The following NRP1 variants were observed in gnomAD, a reference collection of about 807,000 sequenced individuals.
The protein encoded by NRP1 is neuropilin-1.
NRP1 carries 35 observed loss-of-function variants against 106.7 expected under a neutral mutation model. The ratio of observed to expected loss-of-function variants is 0.33; its 90% confidence interval spans 0.25 to 0.43. The LOEUF (loss-of-function observed/expected upper bound fraction) is 0.43. Ranked by LOEUF, NRP1 falls within the 20% of genes least tolerant of loss-of-function variation. The probability of loss-of-function intolerance (pLI) is 1.00; values close to 1 mark genes in which losing one functional copy is unlikely to be tolerated. For synonymous variants in NRP1, 437 were observed against 417.9 expected (o/e 1.05, Z -0.56); for missense variants, 1,024 against 1,170.4 (o/e 0.87, Z 1.83).
intron 2 of NRP1, among the ~76,000 whole-genome samples, chr10:33,300,262 C>T (rs1845709610): frequency 6.6e-6 from 1 of 152,142 alleles, no homozygotes; most frequent in Admixed American, 6.5e-5. Flanking sequence ...CTTCTAACAG[C>T]AATAAAATTT....
intron 6 of NRP1, among the ~76,000 whole-genome samples, chr10:33,227,816 T>C (rs1186621965): frequency 6.6e-6 from 1 of 152,174 alleles, no homozygotes; most frequent in East Asian, 1.9e-4. Flanking sequence ...CTCCATGTTC[T>C]AGTCCAGACT....
In NRP1 at chr10:33,330,741, T is replaced by A; in HGVS notation, c.215A>T (p.Asn72Ile). ...TCTGTCCTCCAAATCGAAGTGAGGG[T>A]TGAAGTTGATCATAATTCTCTGGTA... Reference protein sequence around the residue: ...DPYQRIMINFNPHFDLEDRDC... With the variant: ...DPYQRIMINFIPHFDLEDRDC... Residue 72 changes from asparagine to isoleucine, a missense_variant, in exon 2 of 17, where the codon AAC becomes ATC. Coordinates refer to ENST00000374867, the MANE Select transcript of NRP1 (RefSeq NM_003873.7). 1 of 1,613,432 alleles carries A rather than the reference T, an allele frequency of 6.2e-7. No homozygotes were observed. The highest frequency in any genetic ancestry group is 8.5e-7 in the Non-Finnish European group (1 of 1,179,684).
chr10:33,286,646 G>A (rs1047296778), intron 2 of NRP1, among the ~76,000 whole-genome samples: 3 of 152,164 alleles, frequency 2.0e-5, no homozygotes, highest in African/African-American at 7.2e-5. Context: ...CATCTATTTT[G>A]AGGGTTGGCT....
chr10:33,268,622 C>T (rs1843086630), intron 3 of NRP1, among the ~76,000 whole-genome samples: 1 of 152,220 alleles, frequency 6.6e-6, no homozygotes, highest in Non-Finnish European at 1.5e-5. Context: ...TCTCCTTCAA[C>T]TGTCTTCAGA....
chr10:33,190,778 A>G lies in NRP1; in HGVS notation c.2062+1503T>C, dbSNP rs181124042. On this transcript the variant is annotated intron_variant, in intron 13 of 16. Transcript: ENST00000374867. ...TTGGGCGTTTGTTGTGAGTGTGTATATGTGTGTGTGTGTATGTGTGTGTGT... is the reference window on the plus strand; with the variant it reads ...TTGGGCGTTTGTTGTGAGTGTGTATGTGTGTGTGTGTGTATGTGTGTGTGT... Among the ~76,000 whole-genome samples, 34 of 151,814 alleles carry G rather than the reference A, an allele frequency of 2.2e-4. No homozygotes were observed. The East Asian group carries it at 6.4e-3, about 28-fold the overall frequency.
At chr10:33,202,805 T>C (rs751902896) in intron 11 of NRP1, 86 bp downstream of exon 11, 21 of 1,612,258 alleles carry the variant, frequency 1.3e-5, no homozygotes, top group Non-Finnish European at 1.8e-5. Flanking sequence ...CATGCGGAGT[T>C]ACAAGCACAC....
chr10:33,209,809 G>A (rs901869922), intron 9 of NRP1, among the ~76,000 whole-genome samples: 2 of 152,180 alleles, frequency 1.3e-5, no homozygotes, highest in Non-Finnish European at 2.9e-5. Context: ...AAAACACCAC[G>A]GTCCAAGAAA....
chr10:33,267,019 GAGACTCTGTCTCAAAA>G (rs1842967829), intron 3 of NRP1, among the ~76,000 whole-genome samples: 1 of 152,096 alleles, frequency 6.6e-6, no homozygotes, highest in Non-Finnish European at 1.5e-5. Flanking sequence ...GCAACAGAGT[GAGACTCTGTCTCAAAA>G]CAAAACACAA....
At chr10:33,317,153 T>C (rs1847098195) in intron 2 of NRP1, among the ~76,000 whole-genome samples, 1 of 152,218 alleles carries the variant, frequency 6.6e-6, no homozygotes, top group Admixed American at 6.5e-5. Flanking sequence ...CCCAGCCACA[T>C]CTGTAGCCAT....
chr10:33,202,545 G>T lies in NRP1; in HGVS notation c.1864+346C>A, dbSNP rs554195827. On this transcript the variant is annotated intron_variant, in intron 11 of 16. Transcript: ENST00000374867. Reference sequence around the variant, plus strand: ...TAAACATTCTGAAGTGTGTGGTTACGTAGGGGTGGTGCACGTGTTATTGGG... The same window carrying T: ...TAAACATTCTGAAGTGTGTGGTTACTTAGGGGTGGTGCACGTGTTATTGGG... The T allele has an allele frequency of 5.8e-6, 8 of 1,373,774 alleles. No homozygotes were observed. In the East Asian group the frequency reaches 1.8e-4, roughly 32 times the overall value. The allele number at this position is 1,373,774 out of a possible 1,614,324, so 85.1% of individuals were successfully genotyped here.
chr10:33,220,064 C>T (rs1839104775), intron 8 of NRP1, among the ~76,000 whole-genome samples: 1 of 152,190 alleles, frequency 6.6e-6, no homozygotes, highest in Admixed American at 6.5e-5. Context: ...AGGCCTTGAA[C>T]TTTCTAAATC....
intron 6 of NRP1, among the ~76,000 whole-genome samples, chr10:33,248,053 T>C (rs2284941): frequency 0.71 from 108,218 of 151,998 alleles, 39,016 homozygotes; most frequent in African/African-American, 0.83. Context: ...TTTGGGAGGC[T>C]GAGGCAAGCA....
chr10:33,309,529 G>A (rs1225527402), intron 2 of NRP1, among the ~76,000 whole-genome samples: 1 of 152,190 alleles, frequency 6.6e-6, no homozygotes, highest in Non-Finnish European at 1.5e-5. Flanking sequence ...CAAGGGTCCT[G>A]GTGAGCCTAG....
At chr10:33,310,970 G>C (rs200507953) in intron 2 of NRP1, among the ~76,000 whole-genome samples, 1 of 152,144 alleles carries the variant, frequency 6.6e-6, no homozygotes, top group Admixed American at 6.6e-5. Flanking sequence ...CAAAAAGTCA[G>C]AGCTGACTTG....
intron 6 of NRP1, 96 bp from the exon 7 acceptor site, chr10:33,226,385 C>T (rs1236361608): frequency 9.6e-6 from 13 of 1,348,434 alleles, no homozygotes; most frequent in Non-Finnish European, 1.2e-5. Context: ...GGTTTTCATC[C>T]ACCTGGGATC....
intron 7 of NRP1, among the ~76,000 whole-genome samples, chr10:33,225,282 A>G (rs1047257462): frequency 1.3e-5 from 2 of 152,190 alleles, no homozygotes; most frequent in African/African-American, 4.8e-5. Flanking sequence ...CAGATCCACA[A>G]GGAGAAAATC....
chr10:33,220,615 G>C (rs1232500267), intron 8 of NRP1, among the ~76,000 whole-genome samples: 2 of 152,148 alleles, frequency 1.3e-5, no homozygotes, highest in African/African-American at 4.8e-5. Context: ...AAATGGACAG[G>C]CTGGGCGCGG....
intron 9 of NRP1, among the ~76,000 whole-genome samples, chr10:33,208,198 T>A (rs145829523): frequency 0.02 from 3,027 of 152,244 alleles, 127 homozygotes; most frequent in African/African-American, 0.069. Context: ...AGTGCTGGGA[T>A]TACAGGCATG....
At chr10:33,256,844 C>A (rs1842228730) in intron 4 of NRP1, among the ~76,000 whole-genome samples, 1 of 152,198 alleles carries the variant, frequency 6.6e-6, no homozygotes, top group Non-Finnish European at 1.5e-5. Context: ...TCCTGCTAAG[C>A]TGTGGTCACT....
Sources: gnomAD v4.1 joint callset for allele counts (sites outside exome capture counted in the v4.1 genomes callset) on GRCh38, gnomAD v4.1.1 for gene constraint, MANE v1.5 for transcripts, NCBI Gene and HGNC (gene_info 2026-07-23, HGNC 2026-07-21) for gene names.